Variants in ROBO1 observed in about 807,000 individuals in gnomAD.
ROBO1 encodes roundabout guidance receptor 1.
Under a neutral mutation model 195.9 loss-of-function variants are expected in ROBO1, and 149 were observed. That is an observed-to-expected ratio of 0.76 (90% CI 0.67 to 0.87). The LOEUF (loss-of-function observed/expected upper bound fraction) is 0.87, where lower values mean the gene tolerates loss of function less well. Among genes scored for constraint, ROBO1 ranks in the 40% least tolerant of loss-of-function variants. ROBO1 has a pLI of 0.00. For synonymous variants in ROBO1, 816 were observed against 733.2 expected (o/e 1.11, Z -1.82); for missense variants, 1,933 against 2,068.3 (o/e 0.93, Z 1.27).
chr3:79,610,168 G>C (rs938648880), intron 1 of ROBO1, among the ~76,000 whole-genome samples: 5 of 151,636 alleles, frequency 3.3e-5, no homozygotes, highest in African/African-American at 9.7e-5. Context: ...TTTATCCGTG[G>C]GGGATACATT....
intron 2 of ROBO1, among the ~76,000 whole-genome samples, chr3:79,398,055 T>C (rs796481440): frequency 6.6e-6 from 1 of 152,186 alleles, no homozygotes; most frequent in African/African-American, 2.4e-5. Context: ...TTATCCATTG[T>C]CAAATTGCCA....
chr3:79,540,292 A>G (rs1942015912), intron 2 of ROBO1, among the ~76,000 whole-genome samples: 1 of 152,122 alleles, frequency 6.6e-6, no homozygotes, highest in South Asian at 2.1e-4. Context: ...ATAGTCACCA[A>G]TTATGAGTTC....
At chr3:79,439,841 T>C (rs969604344) in intron 2 of ROBO1, among the ~76,000 whole-genome samples, 1 of 151,960 alleles carries the variant, frequency 6.6e-6, no homozygotes, top group African/African-American at 2.4e-5. Flanking sequence ...AAATCAATAC[T>C]AAAACAAGAG....
chr3:79,047,667 A>G (rs1043304041), intron 3 of ROBO1, among the ~76,000 whole-genome samples: 2 of 152,154 alleles, frequency 1.3e-5, no homozygotes, highest in African/African-American at 4.8e-5. Flanking sequence ...GTATAGAATA[A>G]GCCACAGAGA....
intron 2 of ROBO1, among the ~76,000 whole-genome samples, chr3:79,186,776 T>C (rs749029698): frequency 6.6e-6 from 1 of 152,110 alleles, no homozygotes; most frequent in Non-Finnish European, 1.5e-5. Flanking sequence ...TCTCTCATTC[T>C]GGGTTTCTGG....
At position 79,753,204 on chromosome 3, in the gene ROBO1, A is replaced by G. The variant is rs1704214307; in HGVS notation, c.-51+14548T>C. Reference sequence around the variant, plus strand: ...TTTGCTGCTTATTCAAACCACCTAAATTACTTTTTAAAAATATTAACACTT... The same window carrying G: ...TTTGCTGCTTATTCAAACCACCTAAGTTACTTTTTAAAAATATTAACACTT... On this transcript the variant is annotated intron_variant, in intron 1 of 30. Transcript: ENST00000464233. Among the ~76,000 whole-genome samples, 3 of 152,244 alleles carry G rather than the reference A, an allele frequency of 2.0e-5. No homozygotes were observed. The South Asian group carries it at 6.2e-4, about 32-fold the overall frequency.
At chr3:79,598,703 C>A (rs377354960) in intron 1 of ROBO1, among the ~76,000 whole-genome samples, 2 of 152,042 alleles carry the variant, frequency 1.3e-5, no homozygotes, top group South Asian at 4.2e-4. Flanking sequence ...AGCTCTATGG[C>A]CCCCTCCATC....
chr3:79,172,946 C>T (rs1206836690), intron 2 of ROBO1, among the ~76,000 whole-genome samples: 2 of 152,112 alleles, frequency 1.3e-5, no homozygotes, highest in African/African-American at 4.8e-5. Flanking sequence ...CTAGAAGATA[C>T]TTCTTATATA....
intron 2 of ROBO1, among the ~76,000 whole-genome samples, chr3:79,257,138 T>C (rs151051186): frequency 5.3e-5 from 8 of 152,300 alleles, no homozygotes; most frequent in Admixed American, 3.9e-4. Context: ...ATAATGTTTG[T>C]AGAGGAAATC....
chr3:79,569,081 A>T (rs1045369903), intron 2 of ROBO1, among the ~76,000 whole-genome samples: 13 of 152,256 alleles, frequency 8.5e-5, no homozygotes, highest in African/African-American at 3.1e-4. Context: ...TGGTGATCCA[A>T]ACTTTTGTGC....
chr3:79,659,393 A>T (rs1946263384), intron 1 of ROBO1, among the ~76,000 whole-genome samples: 1 of 152,106 alleles, frequency 6.6e-6, no homozygotes, highest in Admixed American at 6.6e-5. Context: ...TTTAGTTTTA[A>T]TGACTTAAAA....
At chr3:79,001,042 G>T (rs145470872) in intron 3 of ROBO1, among the ~76,000 whole-genome samples, 3,588 of 152,072 alleles carry the variant, frequency 0.024, 141 homozygotes, top group African/African-American at 0.08. Flanking sequence ...AACACCGCAT[G>T]TTCTCACTCA....
chr3:79,588,680 G>A (rs1943904586), intron 2 of ROBO1, among the ~76,000 whole-genome samples: 1 of 151,634 alleles, frequency 6.6e-6, no homozygotes, highest in Non-Finnish European at 1.5e-5. Context: ...ACTCAACAGA[G>A]TTGTGGCAAG....
At chr3:79,701,807 A>G (rs866681343) in intron 1 of ROBO1, among the ~76,000 whole-genome samples, 1 of 147,380 alleles carries the variant, frequency 6.8e-6, no homozygotes, top group Non-Finnish European at 1.5e-5. Context: ...TCCATTAATT[A>G]TTTTTGTATT....
chr3:79,084,305 C>T (rs1424719227), intron 3 of ROBO1, among the ~76,000 whole-genome samples: 1 of 152,120 alleles, frequency 6.6e-6, no homozygotes, highest in Non-Finnish European at 1.5e-5. Flanking sequence ...TCGAGATCAG[C>T]CTGACCAACA....
intron 2 of ROBO1, among the ~76,000 whole-genome samples, chr3:79,412,798 T>C (rs1289708056): frequency 6.6e-6 from 1 of 151,162 alleles, no homozygotes; most frequent in African/African-American, 2.4e-5. Flanking sequence ...TAAACACTGA[T>C]TTGCCTTGTA....
At chr3:78,810,118 G>C (rs1003941349) in intron 4 of ROBO1, among the ~76,000 whole-genome samples, 1 of 152,166 alleles carries the variant, frequency 6.6e-6, no homozygotes, top group Non-Finnish European at 1.5e-5. Context: ...ATATGGTCTT[G>C]ATTGCCTTTC....
chr3:78,622,052 C>T (rs1038389012), intron 26 of ROBO1, among the ~76,000 whole-genome samples: 1 of 151,936 alleles, frequency 6.6e-6, no homozygotes, highest in African/African-American at 2.4e-5. Flanking sequence ...TACTATACTG[C>T]AATAAAGTTA....
intron 2 of ROBO1, among the ~76,000 whole-genome samples, chr3:79,267,910 C>G (rs972352196): frequency 1.1e-4 from 17 of 151,470 alleles, no homozygotes; most frequent in Admixed American, 2.6e-4. Context: ...AACAGAGAAG[C>G]CTGATGAAAG....
Sources: gnomAD v4.1 joint callset for allele counts (sites outside exome capture counted in the v4.1 genomes callset) on GRCh38, gnomAD v4.1.1 for gene constraint, MANE v1.5 for transcripts, NCBI Gene and HGNC (gene_info 2026-07-23, HGNC 2026-07-21) for gene names.